SLC5A11: variants seen among roughly 807,000 people sequenced by gnomAD.
The protein encoded by SLC5A11 is sodium/myo-inositol cotransporter 2.
A neutral mutation model predicts 69.8 loss-of-function variants in SLC5A11; 48 were observed. The ratio of observed to expected loss-of-function variants is 0.69; its 90% CI spans 0.55 to 0.87. The LOEUF is 0.87. Ranked by LOEUF, SLC5A11 falls within the 40% of genes least tolerant of loss-of-function variation. The probability of loss-of-function intolerance (pLI) is 0.00; values close to 1 mark genes in which losing one functional copy is unlikely to be tolerated. For synonymous variants in SLC5A11, 319 were observed against 342.4 expected (o/e 0.93, Z 0.75); for missense variants, 784 against 866.1 (o/e 0.91, Z 1.19).
chr16:24,861,735 AAAAG>A (rs143638667), intron 2 of SLC5A11, among the ~76,000 whole-genome samples: 39,918 of 140,966 alleles, frequency 0.28, 8,415 homozygotes, highest in African/African-American at 0.58. Context: ...AGAAGAAAGA[AAAAG>A]AAAGAAAGAA....
At chr16:24,849,970 A>AT (rs1376454494) in intron 1 of SLC5A11, among the ~76,000 whole-genome samples, 1 of 151,900 alleles carries the variant, frequency 6.6e-6, no homozygotes, top group African/African-American at 2.4e-5. Context: ...ATTATCTATT[A>AT]TTTGAGACAG....
At chr16:24,909,829 TAAAAA>T (rs3050359) in intron 14 of SLC5A11, among the ~76,000 whole-genome samples, 9 of 103,914 alleles carry the variant, frequency 8.7e-5, no homozygotes, top group African/African-American at 2.8e-4. Flanking sequence ...AGCCTGTCTT[TAAAAA>T]AAAAAAAAAA....
rs189442741 is a variant in SLC5A11, at chr16:24,897,182, G to C, written c.871-792G>C. On this transcript the variant is annotated intron_variant, in intron 9 of 15. Coordinates refer to ENST00000347898, the Ensembl canonical transcript of SLC5A11. ...TTGGCCAGGCTGGTCTTGAACTCCT[G>C]GGCCCAAGCAATCCTCCTGCTTTGG... Among the ~76,000 whole-genome samples the C allele has an allele frequency of 3.6e-3, 546 of 152,000 alleles. 1 individual carries two copies. Among genetic ancestry groups the C allele is most frequent in the Non-Finnish European group, 6.1e-3 (416 of 67,940 alleles).
At chr16:24,867,675 AAG>A (rs973543830) in intron 3 of SLC5A11, among the ~76,000 whole-genome samples, 9 of 152,278 alleles carry the variant, frequency 5.9e-5, no homozygotes, top group South Asian at 2.1e-4. Flanking sequence ...AGAAATGAAA[AAG>A]GGGGAATTTC....
intron 8 of SLC5A11, among the ~76,000 whole-genome samples, chr16:24,885,192 T>C (rs1385023075): frequency 6.6e-6 from 1 of 152,212 alleles, no homozygotes; most frequent in Non-Finnish European, 1.5e-5. Context: ...CTGTGTTTTC[T>C]GAGATCTCAG....
At chr16:24,890,780 C>T (rs1169753569) in intron 8 of SLC5A11, 89 bp from the exon 10 acceptor site, 6 of 1,277,794 alleles carry the variant, frequency 4.7e-6, no homozygotes, top group Non-Finnish European at 6.8e-6. Flanking sequence ...TCTGGTCCTA[C>T]TAGAATTTCA....
intron 3 of SLC5A11, among the ~76,000 whole-genome samples, chr16:24,866,157 G>A (rs2046903477): frequency 6.7e-6 from 1 of 149,942 alleles, no homozygotes; most frequent in Admixed American, 6.7e-5. Flanking sequence ...TATATTAATT[G>A]CATGGTAATA....
exon 4 of SLC5A11, chr16:24,869,919 G>T (rs374881682): frequency 3.7e-6 from 6 of 1,613,952 alleles, no homozygotes; most frequent in Non-Finnish European, 5.1e-6. Flanking sequence ...ATCCTTGTTT[G>T]CCAGCAATGT....
At chr16:24,910,535 T>TTTC in intron 15 of SLC5A11, 58 bp downstream of exon 16, 1 of 1,434,648 alleles carries the variant, frequency 7.0e-7, no homozygotes, top group Non-Finnish European at 9.3e-7. Context: ...AGGGATTGAT[T>TTTC]TTTTTTTTTT....
intron 7 of SLC5A11, among the ~76,000 whole-genome samples, chr16:24,878,819 G>A (rs1479350035): frequency 6.6e-6 from 1 of 152,214 alleles, no homozygotes; most frequent in African/African-American, 2.4e-5. Context: ...GATCACCTGA[G>A]ATCAGGAGTT....
chr16:24,906,584 CG>C, intron 10 of SLC5A11, 72 bp from the exon 12 acceptor site: 1 of 875,962 alleles, frequency 1.1e-6, no homozygotes, highest in Non-Finnish European at 1.8e-6. Context: ...AGCCTGTGTC[CG>C]GCCCCATGTT....
chr16:24,855,611 A>C (rs1231685036), intron 1 of SLC5A11, among the ~76,000 whole-genome samples: 3 of 152,036 alleles, frequency 2.0e-5, no homozygotes, highest in African/African-American at 7.2e-5. Context: ...CTTTAAAAAA[A>C]GAGAAAAAGT....
chr16:24,851,663 A>G (rs1310697487), intron 1 of SLC5A11, among the ~76,000 whole-genome samples: 1 of 152,168 alleles, frequency 6.6e-6, no homozygotes, highest in East Asian at 1.9e-4. Flanking sequence ...CAGAACAAGT[A>G]CTCTGTATTT....
intron 4 of SLC5A11, 46 bp from the exon 6 acceptor site, chr16:24,872,114 T>G: frequency 1.9e-6 from 3 of 1,613,136 alleles, no homozygotes; most frequent in Non-Finnish European, 1.7e-6. Context: ...AATGGGTACC[T>G]TGTTGTGAGC....
intron 12 of SLC5A11, 55 bp downstream of exon 13, chr16:24,907,230 C>T (rs529047989): frequency 1.3e-6 from 2 of 1,596,706 alleles, no homozygotes; most frequent in South Asian, 2.3e-5. Flanking sequence ...TGAGCCCACC[C>T]AGAGGCAAAG....
At chr16:24,867,716 T>A (rs1305094097) in intron 3 of SLC5A11, among the ~76,000 whole-genome samples, 1 of 152,072 alleles carries the variant, frequency 6.6e-6, no homozygotes, top group South Asian at 2.1e-4. Context: ...TAAATATAGT[T>A]ATAAGGAAAT....
chr16:24,895,149 A>C (rs887725634), intron 9 of SLC5A11, among the ~76,000 whole-genome samples: 1 of 151,666 alleles, frequency 6.6e-6, no homozygotes, highest in African/African-American at 2.4e-5. Flanking sequence ...AAAGAAAAAA[A>C]AAAGAACCAT....
chr16:24,910,102 G>A (rs990203661), intron 14 of SLC5A11, among the ~76,000 whole-genome samples: 2 of 149,604 alleles, frequency 1.3e-5, no homozygotes. Flanking sequence ...GGAGAAAGAC[G>A]TGGGAATGAG....
chr16:24,864,974 G>A (rs534455088), intron 3 of SLC5A11, among the ~76,000 whole-genome samples: 23 of 151,922 alleles, frequency 1.5e-4, no homozygotes, highest in Non-Finnish European at 2.6e-4. Context: ...GAAAAAAAAC[G>A]AAGAGAAACA....
Sources: allele counts gnomAD v4.1 joint callset (sites outside exome capture counted in the v4.1 genomes callset), GRCh38; gene constraint gnomAD v4.1.1; transcripts MANE v1.5; gene names NCBI Gene and HGNC (gene_info 2026-07-23, HGNC 2026-07-21).